Variants in INPP4B observed in about 807,000 individuals in gnomAD.
INPP4B encodes the protein inositol polyphosphate-4-phosphatase type II B, also known as inositol polyphosphate 4-phosphatase type II.
A neutral mutation model predicts 122.5 loss-of-function variants in INPP4B; 55 were observed. The observed-to-expected ratio is 0.45, with a 90% CI of 0.36 to 0.56. The LOEUF is 0.56. Ranked by LOEUF, INPP4B falls within the 20% of genes least tolerant of loss-of-function variation. The pLI is 0.00. For synonymous variants in INPP4B, 403 were observed against 388.7 expected (o/e 1.04, Z -0.43); for missense variants, 1,000 against 1,097.7 (o/e 0.91, Z 1.26).
chr4:142,451,790 C>T (rs916399613), intron 3 of INPP4B, among the ~76,000 whole-genome samples: 1 of 152,134 alleles, frequency 6.6e-6, no homozygotes, highest in Admixed American at 6.6e-5. Context: ...GAGACCTCAG[C>T]TGAACAAACA....
intron 25 of INPP4B, among the ~76,000 whole-genome samples, chr4:142,056,669 A>T (rs1443210915): frequency 6.6e-6 from 1 of 152,172 alleles, no homozygotes; most frequent in Non-Finnish European, 1.5e-5. Flanking sequence ...AAGTGCCGAA[A>T]ATATCTGGAA....
At chr4:142,476,121 T>A (rs1008824769) in intron 2 of INPP4B, among the ~76,000 whole-genome samples, 1 of 151,974 alleles carries the variant, frequency 6.6e-6, no homozygotes, top group Admixed American at 6.5e-5. Context: ...CAAAGAGAAC[T>A]CCATTAGGAT....
intron 1 of INPP4B, among the ~76,000 whole-genome samples, chr4:142,760,131 A>G (rs1390803378): frequency 6.6e-6 from 1 of 152,156 alleles, no homozygotes; most frequent in African/African-American, 2.4e-5. Flanking sequence ...GTCACTAAAT[A>G]TACAACTGCC....
chr4:142,587,314 G>C (rs1377035413), intron 2 of INPP4B, among the ~76,000 whole-genome samples: 3 of 151,804 alleles, frequency 2.0e-5, no homozygotes, highest in Middle Eastern at 6.3e-3. Context: ...GTTGTGATTA[G>C]GTATATATTT....
Position 142,405,324 on chromosome 4 carries a change from G to A in INPP4B, c.137C>T (p.Ala46Val). 1 of 1,553,652 alleles carries A rather than the reference G, an allele frequency of 6.4e-7. No homozygotes were observed. The highest frequency in any genetic ancestry group is 8.9e-7 in the Non-Finnish European group (1 of 1,125,364). ...PNEPQLEFIL[A>V]CKDLVAPVRD... The stretch of plus-strand genomic sequence containing the variant: ...GACAGGAGCCACGAGATCCTTGCAT[G>A]CTGGCAACGGCAGAGGAGACAGAAA... The change falls in exon 6 of 26, where the codon GCA becomes GTA. Residue 46 changes from alanine (A) to valine (V), a missense_variant and splice_region_variant. Ala to Val is a moderately conservative substitution (Grantham distance 64, BLOSUM62 0). Transcript: ENST00000262992.
chr4:142,481,075 C>A (rs1820464991), intron 2 of INPP4B, among the ~76,000 whole-genome samples: 1 of 138,816 alleles, frequency 7.2e-6, no homozygotes, highest in African/African-American at 2.7e-5. Flanking sequence ...GCAGAGGTTT[C>A]AGTGAACCAA....
intron 25 of INPP4B, among the ~76,000 whole-genome samples, chr4:142,057,870 G>A (rs1292835832): frequency 6.6e-6 from 1 of 151,898 alleles, no homozygotes; most frequent in African/African-American, 2.4e-5. Context: ...TATTCCTTAA[G>A]ACCCAACTCA....
intron 23 of INPP4B, among the ~76,000 whole-genome samples, chr4:142,096,552 A>G (rs908340448): frequency 6.6e-6 from 1 of 152,164 alleles, no homozygotes; most frequent in Non-Finnish European, 1.5e-5. Flanking sequence ...ACATGCATTG[A>G]GGAAATAAAA....
At chr4:142,646,585 G>T (rs1261167228) in intron 2 of INPP4B, among the ~76,000 whole-genome samples, 1 of 152,164 alleles carries the variant, frequency 6.6e-6, no homozygotes, top group Non-Finnish European at 1.5e-5. Context: ...GAATTCAAAG[G>T]CTTTACTTCC....
At chr4:142,143,483 CA>C (rs1808939515) in intron 18 of INPP4B, among the ~76,000 whole-genome samples, 2 of 151,950 alleles carry the variant, frequency 1.3e-5, no homozygotes, top group Admixed American at 6.6e-5. Context: ...TTTCAGAGGG[CA>C]AAAGGAGAAG....
intron 12 of INPP4B, among the ~76,000 whole-genome samples, chr4:142,219,145 C>T (rs1266589432): frequency 2.0e-5 from 3 of 152,078 alleles, no homozygotes; most frequent in East Asian, 1.9e-4. Context: ...TCATTCACTC[C>T]GATTTTCACT....
intron 1 of INPP4B, among the ~76,000 whole-genome samples, chr4:142,800,138 G>A (rs1003061504): frequency 1.3e-5 from 2 of 152,038 alleles, no homozygotes; most frequent in Non-Finnish European, 2.9e-5. Context: ...AAATTAAAAG[G>A]GATAGGTGAG....
chr4:142,072,777 A>G (rs1223781513), intron 25 of INPP4B, among the ~76,000 whole-genome samples: 2 of 152,098 alleles, frequency 1.3e-5, no homozygotes, highest in African/African-American at 4.8e-5. Flanking sequence ...AGCGCTCATG[A>G]CAACCCTATT....
intron 12 of INPP4B, among the ~76,000 whole-genome samples, chr4:142,214,773 G>A (rs1846361456): frequency 6.6e-6 from 1 of 152,104 alleles, no homozygotes; most frequent in African/African-American, 2.4e-5. Context: ...GGCTGGACTC[G>A]AACTCCTGAC....
At chr4:142,384,505 T>G (rs556522306) in intron 7 of INPP4B, among the ~76,000 whole-genome samples, 27 of 152,256 alleles carry the variant, frequency 1.8e-4, no homozygotes, top group Admixed American at 3.3e-4. Flanking sequence ...TGGTAAGTAT[T>G]TGTATATCTA....
chr4:142,112,814 T>C, intron 21 of INPP4B, 132 bp from the exon 22 acceptor site: 1 of 689,526 alleles, frequency 1.5e-6, no homozygotes, highest in Non-Finnish European at 2.3e-6. Flanking sequence ...TATGCTTATA[T>C]TCCTCATTCA....
intron 3 of INPP4B, among the ~76,000 whole-genome samples, chr4:142,460,499 A>C (rs7672965): frequency 2.8e-4 from 42 of 152,052 alleles, no homozygotes; most frequent in African/African-American, 8.2e-4. Context: ...CCTACATTTA[A>C]GTTTCAATGT....
At chr4:142,168,383 A>G (rs1470821023) in intron 16 of INPP4B, among the ~76,000 whole-genome samples, 1 of 151,446 alleles carries the variant, frequency 6.6e-6, no homozygotes, top group Non-Finnish European at 1.5e-5. Flanking sequence ...GATGGCAGGC[A>G]TTTTGACTTT....
intron 1 of INPP4B, among the ~76,000 whole-genome samples, chr4:142,754,856 A>G (rs1770282198): frequency 6.6e-6 from 1 of 152,084 alleles, no homozygotes; most frequent in South Asian, 2.1e-4. Flanking sequence ...TATTCACATT[A>G]GAATTGAGAG....
Sources: allele counts gnomAD v4.1 joint callset (sites outside exome capture counted in the v4.1 genomes callset), GRCh38; gene constraint gnomAD v4.1.1; transcripts MANE v1.5; gene names NCBI Gene and HGNC (gene_info 2026-07-23, HGNC 2026-07-21).